The following DPP6 variants were observed in gnomAD, a reference collection of about 807,000 sequenced individuals.
DPP6 encodes the protein A-type potassium channel modulatory protein DPP6.
In DPP6, 69 loss-of-function variants were observed where a neutral mutation model predicts 122.6. That is an observed-to-expected ratio of 0.56 (90% confidence interval 0.46 to 0.69). The LOEUF (loss-of-function observed/expected upper bound fraction) is 0.69, where lower values mean the gene tolerates loss of function less well. Among genes scored for constraint, DPP6 ranks in the 30% least tolerant of loss-of-function variants. The pLI is 0.00. For missense variants in DPP6, 928 were observed against 1,116.9 expected (o/e 0.83, Z 2.41); for synonymous variants, 418 against 433.1 (o/e 0.97, Z 0.43).
At chr7:154,554,483 C>T (rs1829873797) in intron 4 of DPP6, among the ~76,000 whole-genome samples, 1 of 152,024 alleles carries the variant, frequency 6.6e-6, no homozygotes. Flanking sequence ...TTTTATATCT[C>T]TTTTTTCCCT....
At chr7:154,592,766 G>A (rs528723037) in intron 5 of DPP6, among the ~76,000 whole-genome samples, 317 of 152,242 alleles carry the variant, frequency 2.1e-3, no homozygotes, top group Admixed American at 7.2e-3. Flanking sequence ...ATGAGCAAAC[G>A]GAGTGATGTT....
Position 154,769,601 on chromosome 7 carries a change from C to G in DPP6, c.1038+30C>G, listed in dbSNP as rs536270832. 15 of 1,540,104 alleles carry G rather than the reference C, an allele frequency of 9.7e-6. No individual in the cohort carries two copies. The Admixed American group carries it at 1.4e-4, about 14-fold the overall frequency. ...GCAAAGGGACACCGCACAGCAAATT[C>G]TTTATATTATTCATGAACACCCCAA... On this transcript the variant is annotated intron_variant, in intron 9 of 25. Coordinates refer to ENST00000377770, the MANE Select transcript of DPP6 (RefSeq NM_130797.4).
At chr7:154,528,001 CAAAA>C (rs1057330482) in intron 3 of DPP6, among the ~76,000 whole-genome samples, 1 of 148,592 alleles carries the variant, frequency 6.7e-6, no homozygotes, top group Non-Finnish European at 1.5e-5. Flanking sequence ...AAAAAAAAAA[CAAAA>C]AAGGAATCAT....
intron 1 of DPP6, among the ~76,000 whole-genome samples, chr7:154,396,678 C>T (rs896511286): frequency 2.0e-5 from 3 of 152,196 alleles, no homozygotes; most frequent in Non-Finnish European, 1.5e-5. Flanking sequence ...AGTGTATTCT[C>T]GGCCAGGCAC....
intron 16 of DPP6, among the ~76,000 whole-genome samples, chr7:154,828,181 C>T (rs940840): frequency 0.82 from 123,971 of 152,044 alleles, 50,649 homozygotes; most frequent in Non-Finnish European, 0.84. Context: ...ACGCCTTATT[C>T]GTGGGAGATA....
At chr7:154,051,913 C>G (rs1053343531), upstream of DPP6, among the ~76,000 whole-genome samples, 1 of 151,752 alleles carries the variant, frequency 6.6e-6, no homozygotes, top group African/African-American at 2.4e-5. Flanking sequence ...CTCTCCCACG[C>G]CCCATTCGCA....
intron 5 of DPP6, among the ~76,000 whole-genome samples, chr7:154,610,706 T>C (rs2130805110): frequency 2.1e-5 from 1 of 48,152 alleles, no homozygotes. Context: ...TGTGTTGTTC[T>C]CTGTGTGTGT....
chr7:154,811,055 C>T (rs553406068), intron 16 of DPP6, among the ~76,000 whole-genome samples: 4 of 152,122 alleles, frequency 2.6e-5, no homozygotes, highest in African/African-American at 9.7e-5. Flanking sequence ...TAGCCTGTTG[C>T]CTCATCTTAA....
At chr7:154,740,298 CTT>C (rs11286104) in intron 8 of DPP6, among the ~76,000 whole-genome samples, 26 of 143,526 alleles carry the variant, frequency 1.8e-4, no homozygotes, top group African/African-American at 1.8e-4. Context: ...ACTCTAATTT[CTT>C]TTTTTTTTTT....
At chr7:154,788,884 C>T (rs149822533) in intron 10 of DPP6, among the ~76,000 whole-genome samples, 93 of 152,232 alleles carry the variant, frequency 6.1e-4, no homozygotes, top group African/African-American at 2.0e-3. Context: ...TGTGGGAGAA[C>T]CTCCCACATT....
chr7:154,726,267 T>C lies in DPP6; in HGVS notation c.763-1500T>C, dbSNP rs562816311. 2.0e-5 allele frequency among the ~76,000 whole-genome samples: 3 copies of C among 152,280 alleles called. No individual in the cohort carries two copies. In the East Asian group the frequency reaches 5.8e-4, roughly 29 times the overall value. ...GAAGGCTCCAACCCCACATTTCCCC[T>C]CTGCACTGCCCCAGTAGAGGATCTC... On this transcript the variant is annotated intron_variant, in intron 7 of 25. Transcript: ENST00000377770.
At chr7:154,355,464 T>G (rs1811198666) in intron 1 of DPP6, among the ~76,000 whole-genome samples, 2 of 152,226 alleles carry the variant, frequency 1.3e-5, no homozygotes, top group South Asian at 4.1e-4. Context: ...CATGAAAATG[T>G]TTCTGTTATT....
rs1326625952 is a variant in DPP6 at position 154,481,578 on chromosome 7, C to G, written c.457+6541C>G. ...ACATGATCTGTTTACTCTCCTGACT[C>G]ATCATTGGCCATCTCCCCAGTTTTC... On this transcript the variant is annotated intron_variant, in intron 3 of 25. Coordinates refer to ENST00000377770, the MANE Select transcript of DPP6 (RefSeq NM_130797.4). This position sits in a 1 kb window ranked among gnomAD's most constrained non-coding sequence, Gnocchi z 4.2. Among the ~76,000 whole-genome samples, 1 of 151,726 alleles carries G rather than the reference C, an allele frequency of 6.6e-6. No homozygotes were observed. Among genetic ancestry groups the G allele is most frequent in the East Asian group, 2.0e-4 (1 of 5,128 alleles).
At chr7:154,071,021 G>T (rs970089014) in intron 1 of DPP6, among the ~76,000 whole-genome samples, 1 of 152,132 alleles carries the variant, frequency 6.6e-6, no homozygotes, top group Non-Finnish European at 1.5e-5. Flanking sequence ...TATCATGTAT[G>T]TGCATGCATG....
chr7:154,013,047 T>C (rs989604980), intron 1 of DPP6, among the ~76,000 whole-genome samples: 6 of 152,192 alleles, frequency 3.9e-5, no homozygotes, highest in Non-Finnish European at 8.8e-5. Context: ...CTGATTTCTG[T>C]TTCTCCCACA....
chr7:154,834,791 C>T lies in DPP6; in HGVS notation c.1667-18989C>T, dbSNP rs191470388. ...GAAATGATTATCATTTGTGGGCCAG[C>T]GACTGGAAGAGCCCCTTTTCTCTTG... is the stretch of plus-strand genomic sequence containing the variant. On this transcript the variant is annotated intron_variant, in intron 16 of 25. Transcript: ENST00000377770. 1.8e-4 allele frequency among the ~76,000 whole-genome samples: 28 copies of T among 152,300 alleles called. No homozygotes were observed. The East Asian group carries it at 3.3e-3, about 18-fold the overall frequency.
At chr7:154,444,271 C>T (rs189854870) in intron 1 of DPP6, among the ~76,000 whole-genome samples, 16 of 150,860 alleles carry the variant, frequency 1.1e-4, no homozygotes, top group African/African-American at 3.7e-4. Context: ...TTCTGGCTAA[C>T]ATGGTGAAAC....
At chr7:153,958,924 A>C (rs989423954) in intron 1 of DPP6, among the ~76,000 whole-genome samples, 7 of 151,844 alleles carry the variant, frequency 4.6e-5, no homozygotes, top group African/African-American at 1.2e-4. Flanking sequence ...CTCAGTATGC[A>C]CCTTCCCACA....
intron 1 of DPP6, among the ~76,000 whole-genome samples, chr7:154,073,183 G>A (rs577151453): frequency 5.4e-4 from 83 of 152,296 alleles, no homozygotes; most frequent in Non-Finnish European, 5.9e-4. Context: ...ATGTTCCTTC[G>A]TGCCCTGGGC....
Sources: allele counts gnomAD v4.1 joint callset (sites outside exome capture counted in the v4.1 genomes callset), GRCh38; gene constraint gnomAD v4.1.1; non-coding constraint Gnocchi (gnomAD v3.1); transcripts MANE v1.5; gene names NCBI Gene and HGNC (gene_info 2026-07-23, HGNC 2026-07-21).